NR3C2: variants seen among roughly 807,000 people sequenced by gnomAD.
NR3C2 encodes the protein mineralocorticoid receptor.
In NR3C2, 15 loss-of-function variants were observed where a neutral mutation model predicts 86.4. The observed-to-expected ratio is 0.17, with a 90% CI of 0.12 to 0.27. The LOEUF (loss-of-function observed/expected upper bound fraction) is 0.27, where lower values mean the gene tolerates loss of function less well. NR3C2 is among the 10% of genes least tolerant of loss of function. NR3C2 has a pLI of 1.00. For synonymous variants in NR3C2, 458 were observed against 450.5 expected (o/e 1.02, Z -0.21); for missense variants, 960 against 1,195.6 (o/e 0.80, Z 2.91).
At chr4:148,343,756 C>A (rs1744862043) in intron 2 of NR3C2, among the ~76,000 whole-genome samples, 1 of 152,078 alleles carries the variant, frequency 6.6e-6, no homozygotes, top group Non-Finnish European at 1.5e-5. Context: ...GACAAACTCA[C>A]ACGCACAAAC....
chr4:148,285,068 C>T (rs775751341), intron 2 of NR3C2, among the ~76,000 whole-genome samples: 9 of 152,148 alleles, frequency 5.9e-5, no homozygotes, highest in South Asian at 2.1e-4. Context: ...GGTTCACTTT[C>T]GGAGCCCACA....
intron 4 of NR3C2, among the ~76,000 whole-genome samples, chr4:148,177,230 G>A (rs1044725621): frequency 6.6e-5 from 10 of 152,126 alleles, no homozygotes; most frequent in East Asian, 1.9e-4. Context: ...TAATGAGTAC[G>A]CATTTTATAA....
At chr4:148,317,347 C>T (rs1743245802) in intron 2 of NR3C2, among the ~76,000 whole-genome samples, 1 of 142,948 alleles carries the variant, frequency 7.0e-6, no homozygotes, top group South Asian at 2.2e-4. Context: ...AAGAGCAAAA[C>T]TCTGTCTCAA....
intron 2 of NR3C2, among the ~76,000 whole-genome samples, chr4:148,262,518 T>C (rs774001950): frequency 2.6e-5 from 4 of 152,130 alleles, no homozygotes; most frequent in Non-Finnish European, 4.4e-5. Flanking sequence ...CCTCCAAACG[T>C]GTTCATTTCA....
intron 8 of NR3C2, among the ~76,000 whole-genome samples, chr4:148,113,286 GCC>G (rs1452156587): frequency 6.6e-6 from 1 of 152,138 alleles, no homozygotes; most frequent in Non-Finnish European, 1.5e-5. Flanking sequence ...ATCCAGGCTG[GCC>G]CTGAACCACT....
intron 2 of NR3C2, among the ~76,000 whole-genome samples, chr4:148,266,229 C>T (rs1452544793): frequency 3.3e-5 from 5 of 152,062 alleles, no homozygotes; most frequent in African/African-American, 9.7e-5. Context: ...TGCGCCACCA[C>T]GCCCAGCTAA....
At chr4:148,088,051 G>C (rs1403294456) in intron 8 of NR3C2, among the ~76,000 whole-genome samples, 2 of 152,132 alleles carry the variant, frequency 1.3e-5, no homozygotes, top group Middle Eastern at 3.2e-3. Flanking sequence ...GTGGGCAAAG[G>C]ATATGAAGAG....
chr4:148,298,144 G>A (rs1489831026), intron 2 of NR3C2, among the ~76,000 whole-genome samples: 6 of 152,022 alleles, frequency 3.9e-5, no homozygotes, highest in Non-Finnish European at 8.8e-5. Context: ...AAAGACTTGT[G>A]GTAGCATTCA....
intron 2 of NR3C2, among the ~76,000 whole-genome samples, chr4:148,302,404 CA>C (rs374066726): frequency 0.78 from 118,487 of 151,462 alleles, 46,506 homozygotes; most frequent in Middle Eastern, 0.87. Context: ...ATTGAGTAAA[CA>C]TCCTGTGAAC....
intron 4 of NR3C2, among the ~76,000 whole-genome samples, chr4:148,169,764 C>T (rs1406060617): frequency 6.6e-6 from 1 of 152,234 alleles, no homozygotes; most frequent in Non-Finnish European, 1.5e-5. Context: ...AATGGGTGAT[C>T]TTCCTTATAA....
intron 4 of NR3C2, among the ~76,000 whole-genome samples, chr4:148,186,750 T>A (rs1735913811): frequency 6.6e-6 from 1 of 151,570 alleles, no homozygotes; most frequent in Non-Finnish European, 1.5e-5. Context: ...AGTAGTCTTT[T>A]ATCCCTTACC....
At position 148,435,372 on chromosome 4, in the gene NR3C2, G is replaced by T. The variant is rs751424659; in HGVS notation, c.1489C>A (p.Pro497Thr). 6.2e-7 allele frequency: 1 copy of T among 1,614,146 alleles called. No homozygotes were observed. The highest frequency in any genetic ancestry group is 8.5e-7 in the Non-Finnish European group (1 of 1,180,028). The part of the protein sequence containing the change: ...SGFPVGIKQE[P>T]DDGSYYPEAS... ...TCTGGGTAATAGCTCCCATCATCTG[G>T]TTCTTGTTTAATACCCACTGGGAAT... Residue 497 changes from proline to threonine, a missense_variant, in exon 2 of 9, where the codon CCA (proline) becomes ACA (threonine). This residue lies in a region of NR3C2 where 680 missense variants were observed against 719.0 expected (regional missense o/e 0.95). Transcript: ENST00000358102.
intron 2 of NR3C2, among the ~76,000 whole-genome samples, chr4:148,356,553 A>G (rs1183411197): frequency 6.6e-6 from 1 of 152,222 alleles, no homozygotes; most frequent in Non-Finnish European, 1.5e-5. Context: ...GGAGCTTAAT[A>G]TAAAACTACT....
At chr4:148,082,252 TA>T (rs1037399987) in intron 8 of NR3C2, among the ~76,000 whole-genome samples, 30 of 151,704 alleles carry the variant, frequency 2.0e-4, no homozygotes, top group Admixed American at 5.9e-4. Flanking sequence ...CCTACTTTAT[TA>T]AAAAAAAATT....
chr4:148,296,468 T>G lies in NR3C2; in HGVS notation c.1758-36351A>C, dbSNP rs145197221. On this transcript the variant is annotated intron_variant, in intron 2 of 8. Coordinates refer to ENST00000358102, the MANE Select transcript of NR3C2 (RefSeq NM_000901.5). Reference sequence around the variant, plus strand: ...GTTTTCTTTCTTCACACTGAGACATTACACCTTTCATAATCATGTAATCAT... The same window carrying G: ...GTTTTCTTTCTTCACACTGAGACATGACACCTTTCATAATCATGTAATCAT... Among the ~76,000 whole-genome samples, 170 of 152,270 alleles carry G rather than the reference T, an allele frequency of 1.1e-3. 1 individual carries two copies. Among genetic ancestry groups the G allele is most frequent in the African/African-American group, 4.0e-3 (168 of 41,560 alleles).
At chr4:148,320,046 G>A (rs191395585) in intron 2 of NR3C2, among the ~76,000 whole-genome samples, 1,734 of 139,518 alleles carry the variant, frequency 0.012, 45 homozygotes, top group African/African-American at 0.048. Flanking sequence ...TTTGAAATAC[G>A]TCCCATCATT....
chr4:148,236,350 C>A (rs1158613980), intron 3 of NR3C2, among the ~76,000 whole-genome samples: 1 of 152,174 alleles, frequency 6.6e-6, no homozygotes, highest in East Asian at 1.9e-4. Flanking sequence ...TTTGTGCTTT[C>A]ATTTTCAAAT....
At chr4:148,259,744 C>CA in intron 3 of NR3C2, among the ~76,000 whole-genome samples, 1 of 152,130 alleles carries the variant, frequency 6.6e-6, no homozygotes, top group South Asian at 2.1e-4. Flanking sequence ...TGACAAACAA[C>CA]AAAAAATCCT....
intron 2 of NR3C2, among the ~76,000 whole-genome samples, chr4:148,297,264 A>G (rs1742098096): frequency 6.6e-6 from 1 of 152,256 alleles, no homozygotes; most frequent in Admixed American, 6.5e-5. Context: ...AGAATGGATC[A>G]TAGTTGCCTA....
Sources: gnomAD v4.1 joint callset for allele counts (sites outside exome capture counted in the v4.1 genomes callset) on GRCh38, gnomAD v4.1.1 for gene constraint, gnomAD v4.1.1 regional missense constraint, MANE v1.5 for transcripts, NCBI Gene and HGNC (gene_info 2026-07-23, HGNC 2026-07-21) for gene names.